The following PCDH15 variants were observed in gnomAD, a reference collection of about 807,000 sequenced individuals.
The protein encoded by PCDH15 is protocadherin related 15.
PCDH15 carries 129 observed loss-of-function variants against 178.5 expected under a neutral mutation model. That is an observed-to-expected ratio of 0.72 (90% CI 0.63 to 0.84). PCDH15 has a LOEUF of 0.84. PCDH15 is among the 40% of genes least tolerant of loss of function. PCDH15 has a pLI of 0.00. For missense variants in PCDH15, 2,230 were observed against 2,099.9 expected (o/e 1.06, Z -1.21); for synonymous variants, 800 against 732.0 (o/e 1.09, Z -1.50).
At chr10:53,980,434 C>T (rs573377976) in intron 21 of PCDH15, among the ~76,000 whole-genome samples, 6 of 142,450 alleles carry the variant, frequency 4.2e-5, no homozygotes, top group Non-Finnish European at 9.2e-5. Context: ...ACTTTCTTCT[C>T]GAATATTACA....
chr10:54,797,826 A>C (rs1345962458), intron 1 of PCDH15, among the ~76,000 whole-genome samples: 4 of 151,838 alleles, frequency 2.6e-5, no homozygotes, highest in African/African-American at 9.7e-5. Context: ...GGGTGTGTCC[A>C]TCTTACTCAG....
intron 25 of PCDH15, among the ~76,000 whole-genome samples, chr10:53,906,552 C>A (rs897840361): frequency 1.1e-4 from 17 of 152,114 alleles, no homozygotes; most frequent in African/African-American, 4.1e-4. Context: ...AGTTGATATT[C>A]AATTAATTTG....
intron 3 of PCDH15, among the ~76,000 whole-genome samples, chr10:54,383,842 A>G (rs1182056754): frequency 2.0e-5 from 3 of 151,840 alleles, no homozygotes; most frequent in Non-Finnish European, 2.9e-5. Flanking sequence ...TATTTTTGAG[A>G]GAGTCTTGCT....
chr10:53,967,221 T>C (rs532254363), intron 21 of PCDH15, among the ~76,000 whole-genome samples: 1 of 152,256 alleles, frequency 6.6e-6, no homozygotes, highest in Non-Finnish European at 1.5e-5. Context: ...TGCTTGGCAC[T>C]CCTCCTTGCT....
intron 2 of PCDH15, among the ~76,000 whole-genome samples, chr10:55,018,543 G>A (rs1214255941): frequency 6.6e-6 from 1 of 151,952 alleles, no homozygotes. Context: ...GGTTGAATCA[G>A]CAGATGTGGA....
intron 18 of PCDH15, among the ~76,000 whole-genome samples, chr10:54,062,257 A>AAAAAAG (rs2094042936): frequency 9.3e-6 from 1 of 107,582 alleles, no homozygotes; most frequent in East Asian, 2.3e-4. Context: ...AAAAAACAAA[A>AAAAAAG]AACAACTAAA....
chr10:54,611,604 G>A (rs2092963405), intron 2 of PCDH15, among the ~76,000 whole-genome samples: 1 of 151,884 alleles, frequency 6.6e-6, no homozygotes, highest in African/African-American at 2.4e-5. Flanking sequence ...CTTTTGCACA[G>A]TGACAGAACA....
At chr10:53,871,297 C>T (rs1348851003) in intron 26 of PCDH15, among the ~76,000 whole-genome samples, 2 of 151,910 alleles carry the variant, frequency 1.3e-5, no homozygotes, top group African/African-American at 4.8e-5. Flanking sequence ...GCCAAGATCG[C>T]GCCACAGCAC....
intron 2 of PCDH15, among the ~76,000 whole-genome samples, chr10:54,910,386 T>A (rs1375619895): frequency 6.6e-6 from 1 of 152,180 alleles, no homozygotes; most frequent in African/African-American, 2.4e-5. Context: ...ACAAGCATAT[T>A]TTTTTCCTTA....
At chr10:55,125,735 T>C (rs1308441205) in intron 2 of PCDH15, among the ~76,000 whole-genome samples, 1 of 152,072 alleles carries the variant, frequency 6.6e-6, no homozygotes, top group Non-Finnish European at 1.5e-5. Flanking sequence ...ATCAGTTTTT[T>C]TGTTTTGTTT....
chr10:55,459,108 T>C (rs1399904465), intron 2 of PCDH15, among the ~76,000 whole-genome samples: 3 of 151,650 alleles, frequency 2.0e-5, no homozygotes, highest in African/African-American at 4.8e-5. Context: ...TAAGTTCTTA[T>C]GGAATGATGA....
intron 2 of PCDH15, among the ~76,000 whole-genome samples, chr10:55,520,496 TG>T (rs975853049): frequency 8.5e-5 from 12 of 141,444 alleles, no homozygotes; most frequent in Non-Finnish European, 1.9e-4. Flanking sequence ...ATTAGCTGTG[TG>T]TGTGTGTGTA....
chr10:53,871,636 C>T (rs1051930614), intron 26 of PCDH15, among the ~76,000 whole-genome samples: 4 of 152,094 alleles, frequency 2.6e-5, no homozygotes, highest in African/African-American at 9.7e-5. Context: ...CTTATTACTT[C>T]AGACATATTA....
intron 28 of PCDH15, among the ~76,000 whole-genome samples, chr10:53,849,860 CAAAAA>C (rs58458871): frequency 0.05 from 2,633 of 52,904 alleles, 40 homozygotes; most frequent in African/African-American, 0.14. Context: ...GGCTCCGTCT[CAAAAA>C]AAAAAAAAAA....
chr10:53,849,860 C>CAAAAAAAAAA (rs58458871), intron 28 of PCDH15, among the ~76,000 whole-genome samples: 3 of 52,704 alleles, frequency 5.7e-5, no homozygotes, highest in Non-Finnish European at 7.9e-5. Flanking sequence ...GGCTCCGTCT[C>CAAAAAAAAAA]AAAAAAAAAA....
intron 2 of PCDH15, among the ~76,000 whole-genome samples, chr10:55,335,789 T>C (rs1844370028): frequency 6.6e-6 from 1 of 152,160 alleles, no homozygotes; most frequent in South Asian, 2.1e-4. Context: ...ATGACCTTTC[T>C]CTTGAGAAAA....
At chr10:54,033,935 G>C (rs2660161) in intron 18 of PCDH15, among the ~76,000 whole-genome samples, 116,607 of 151,734 alleles carry the variant, frequency 0.77, 45,043 homozygotes, top group Middle Eastern at 0.86. Flanking sequence ...CAAGAGTAAT[G>C]TATACCTTAA....
At chr10:55,158,160 TCACA>T (rs959736119) in intron 2 of PCDH15, among the ~76,000 whole-genome samples, 2 of 150,256 alleles carry the variant, frequency 1.3e-5, no homozygotes, top group Non-Finnish European at 3.0e-5. Context: ...TGTTTTATAC[TCACA>T]CACACACGCA....
At chr10:54,158,161 C>T (rs2045343493) in intron 13 of PCDH15, among the ~76,000 whole-genome samples, 1 of 152,142 alleles carries the variant, frequency 6.6e-6, no homozygotes, top group South Asian at 2.1e-4. Flanking sequence ...AGCATCACCC[C>T]ACTCTACTGG....
Sources: gnomAD v4.1 joint callset for allele counts (sites outside exome capture counted in the v4.1 genomes callset) on GRCh38, gnomAD v4.1.1 for gene constraint, MANE v1.5 for transcripts, NCBI Gene and HGNC (gene_info 2026-07-23, HGNC 2026-07-21) for gene names.